The following CREB3L1 variants were observed in gnomAD, a reference collection of about 807,000 sequenced individuals.
CREB3L1 encodes cyclic AMP-responsive element-binding protein 3-like protein 1.
In CREB3L1, 33 loss-of-function variants were observed where a neutral mutation model predicts 54.5. The ratio of observed to expected loss-of-function variants is 0.61; its 90% CI spans 0.46 to 0.81. The LOEUF is 0.81. Among genes scored for constraint, CREB3L1 ranks in the 30% least tolerant of loss-of-function variants. CREB3L1 has a pLI of 0.00. For missense variants in CREB3L1, 656 were observed against 673.3 expected (o/e 0.97, Z 0.29); for synonymous variants, 284 against 286.4 (o/e 0.99, Z 0.08).
At chr11:46,297,061 T>G (rs1170810051) in intron 1 of CREB3L1, among the ~76,000 whole-genome samples, 1 of 152,048 alleles carries the variant, frequency 6.6e-6, no homozygotes, top group Non-Finnish European at 1.5e-5. Context: ...GAGAAATACC[T>G]TAGCGGCTGA....
In CREB3L1 at chr11:46,320,733, T is replaced by G. The variant is rs73464035; in HGVS notation, c.1547T>G (p.Ile516Ser). 7,661 of 1,612,136 alleles carry G rather than the reference T, an allele frequency of 4.8e-3. 317 individuals carry two copies. The African/African-American group carries it at 0.087, about 18-fold the overall frequency. ...HDRDLGPNTT[I>S]KLS Reference sequence around the variant, plus strand: ...AGGGATCTGGGCCCCAACACCACCATCAAACTCTCCTAGGCCATGCCAAGA... The same window carrying G: ...AGGGATCTGGGCCCCAACACCACCAGCAAACTCTCCTAGGCCATGCCAAGA... The change falls in exon 12 of 12, where the codon ATC becomes AGC. Residue 516 changes from isoleucine (I) to serine (S), a missense_variant. Ile to Ser is a moderately radical substitution (Grantham distance 142, BLOSUM62 -2). Transcript: ENST00000621158.
chr11:46,304,681 A>G (rs1311341644), intron 2 of CREB3L1, among the ~76,000 whole-genome samples: 1 of 96,048 alleles, frequency 1.0e-5, no homozygotes, highest in Admixed American at 8.7e-5. Context: ...TTTTTTAATT[A>G]TTAATTTTTT....
At chr11:46,320,132 G>A in intron 10 of CREB3L1, 132 bp from the exon 11 acceptor site, 1 of 1,004,666 alleles carries the variant, frequency 1.0e-6, no homozygotes, top group Non-Finnish European at 1.4e-6. Context: ...GCTTACCTGA[G>A]GTCACACATC....
intron 1 of CREB3L1, among the ~76,000 whole-genome samples, chr11:46,282,622 T>C (rs866095562): frequency 5.8e-4 from 88 of 152,316 alleles, no homozygotes; most frequent in African/African-American, 2.0e-3. Flanking sequence ...AGCTCAAATA[T>C]TGCCTCCTTA....
At chr11:46,301,733 C>T (rs548936234) in intron 2 of CREB3L1, among the ~76,000 whole-genome samples, 17 of 150,470 alleles carry the variant, frequency 1.1e-4, no homozygotes, top group African/African-American at 3.7e-4. Flanking sequence ...CTGAGGTGGG[C>T]GGATCATTTG....
chr11:46,310,906 C>G, intron 4 of CREB3L1, 126 bp from the exon 5 acceptor site: 1 of 1,396,962 alleles, frequency 7.2e-7, no homozygotes. Context: ...TAGCTGAGAC[C>G]AAGCGCCTGG....
At chr11:46,302,914 G>A (rs1180003938) in intron 2 of CREB3L1, among the ~76,000 whole-genome samples, 1 of 152,182 alleles carries the variant, frequency 6.6e-6, no homozygotes, top group African/African-American at 2.4e-5. Flanking sequence ...CCGGGAGGCG[G>A]AGGTTGCAGG....
At chr11:46,308,174 GC>G (rs1248184431) in intron 3 of CREB3L1, among the ~76,000 whole-genome samples, 174 bp downstream of exon 3, 1 of 151,546 alleles carries the variant, frequency 6.6e-6, no homozygotes, top group East Asian at 1.9e-4. Flanking sequence ...CCCCCTGGCT[GC>G]CCCCTCACCA....
chr11:46,299,661 C>A (rs1156556245), intron 1 of CREB3L1, among the ~76,000 whole-genome samples: 1 of 152,148 alleles, frequency 6.6e-6, no homozygotes, highest in African/African-American at 2.4e-5. Flanking sequence ...CCTGAGCTCA[C>A]CCTTGCAGAT....
intron 8 of CREB3L1, chr11:46,315,358 G>T: frequency 4.6e-6 from 1 of 216,356 alleles, no homozygotes; most frequent in Non-Finnish European, 9.3e-6. Flanking sequence ...GCCCGTTTGG[G>T]TGGAGAGAGA....
chr11:46,280,530 T>C (rs1445416594), intron 1 of CREB3L1, among the ~76,000 whole-genome samples: 3 of 152,126 alleles, frequency 2.0e-5, no homozygotes, highest in Non-Finnish European at 4.4e-5. Flanking sequence ...CTTCCTCATC[T>C]GAAAAATGGG....
chr11:46,313,317 A>G (rs1939518127), intron 8 of CREB3L1, among the ~76,000 whole-genome samples: 1 of 152,174 alleles, frequency 6.6e-6, no homozygotes, highest in Non-Finnish European at 1.5e-5. Flanking sequence ...CTCAAGTTTG[A>G]GAACCACTGG....
intron 2 of CREB3L1, 122 bp downstream of exon 2, chr11:46,300,285 C>G: frequency 1.4e-6 from 1 of 714,684 alleles, no homozygotes; most frequent in Non-Finnish European, 2.4e-6. Flanking sequence ...GAGGAGCCAC[C>G]ACAAACCCCT....
intron 2 of CREB3L1, among the ~76,000 whole-genome samples, chr11:46,302,276 C>T (rs1467082822): frequency 1.3e-5 from 2 of 151,710 alleles, no homozygotes; most frequent in Non-Finnish European, 2.9e-5. Flanking sequence ...CTATGTTGTC[C>T]TCTGAGACGC....
intron 1 of CREB3L1, among the ~76,000 whole-genome samples, chr11:46,281,522 G>T (rs1318911728): frequency 1.3e-5 from 2 of 152,250 alleles, no homozygotes; most frequent in Non-Finnish European, 2.9e-5. Flanking sequence ...GGGAGCAGCA[G>T]GAAGCTGCAA....
intron 3 of CREB3L1, among the ~76,000 whole-genome samples, chr11:46,309,575 C>T (rs969000494): frequency 2.0e-5 from 3 of 152,202 alleles, no homozygotes; most frequent in Admixed American, 6.5e-5. Flanking sequence ...GGAGCATCCT[C>T]GGAGCCCCCA....
chr11:46,303,931 C>T lies in CREB3L1; in HGVS notation c.331+3768C>T, dbSNP rs191136594. ...TGAGGCAGGAGGATATCTTAAGCCCCGGAGGTCGAGGCTGCAGTGAGCTAT... is the reference window on the plus strand; with the variant it reads ...TGAGGCAGGAGGATATCTTAAGCCCTGGAGGTCGAGGCTGCAGTGAGCTAT... On this transcript the variant is annotated intron_variant, in intron 2 of 11. Transcript: ENST00000621158. 9.1e-4 allele frequency among the ~76,000 whole-genome samples: 139 copies of T among 152,076 alleles called. 1 individual carries two copies. The East Asian group carries it at 0.022, about 24-fold the overall frequency.
In CREB3L1 at chr11:46,310,080, A is replaced by G. The variant is rs752618404; in HGVS notation, c.595+13A>G. On this transcript the variant is annotated intron_variant, in intron 4 of 11. Transcript: ENST00000621158. ...AAAGTGACACCGGGTAGGTGTGTCC[A>G]GGGGAAGGGCTCTTTTCCCCTCCAG... The G allele has an allele frequency of 2.7e-5, 43 of 1,565,124 alleles. No individual in the cohort carries two copies. The highest frequency in any genetic ancestry group is 3.7e-5 in the Admixed American group (2 of 54,022).
At chr11:46,302,976 G>T (rs1002791863) in intron 2 of CREB3L1, among the ~76,000 whole-genome samples, 4 of 151,950 alleles carry the variant, frequency 2.6e-5, no homozygotes, top group Admixed American at 6.6e-5. Flanking sequence ...GCGAGATTCT[G>T]TCTCAAAAAA....
Sources: allele counts gnomAD v4.1 joint callset (sites outside exome capture counted in the v4.1 genomes callset), GRCh38; gene constraint gnomAD v4.1.1; transcripts MANE v1.5; gene names NCBI Gene and HGNC (gene_info 2026-07-23, HGNC 2026-07-21).